Variants in ARHGAP20 observed in about 807,000 individuals in gnomAD.
ARHGAP20 encodes the protein Rho GTPase activating protein 20.
In ARHGAP20, 34 loss-of-function variants were observed where a neutral mutation model predicts 73.7. The ratio of observed to expected loss-of-function variants is 0.46; its 90% confidence interval spans 0.35 to 0.61. ARHGAP20 has a LOEUF of 0.61. ARHGAP20 is among the 20% of genes least tolerant of loss of function. The pLI, the probability that ARHGAP20 is intolerant of heterozygous loss-of-function variation, is 0.00. For missense variants in ARHGAP20, 1,314 were observed against 1,420.9 expected (o/e 0.92, Z 1.21); for synonymous variants, 523 against 518.2 (o/e 1.01, Z -0.13).
chr11:110,582,441 A>C lies in ARHGAP20; in HGVS notation c.1606-6T>G. ...AATTGTATAAGCAGGGAAACCTGTA[A>C]GAAAAAGGACAAACGAAGTATTACT... On this transcript the variant is annotated splice_region_variant and splice_polypyrimidine_tract_variant and intron_variant, in intron 13 of 14. Transcript: ENST00000683387. 1 of 1,545,380 alleles carries C rather than the reference A, an allele frequency of 6.5e-7. No homozygotes were observed. The highest frequency in any genetic ancestry group is 8.9e-7 in the Non-Finnish European group (1 of 1,118,508).
intron 1 of ARHGAP20, among the ~76,000 whole-genome samples, chr11:110,698,850 C>A (rs558635750): frequency 1.7e-4 from 26 of 151,632 alleles, no homozygotes; most frequent in Admixed American, 2.0e-4. Context: ...TTTTGTGTAA[C>A]CTTTCAAATA....
At chr11:110,704,194 G>T (rs930554179) in intron 1 of ARHGAP20, among the ~76,000 whole-genome samples, 2 of 152,196 alleles carry the variant, frequency 1.3e-5, no homozygotes, top group Non-Finnish European at 2.9e-5. Context: ...TGTTAAAGCT[G>T]AGGTTCAAAA....
chr11:110,613,177 A>G (rs1948407663), intron 6 of ARHGAP20, among the ~76,000 whole-genome samples: 1 of 152,244 alleles, frequency 6.6e-6, no homozygotes, highest in South Asian at 2.1e-4. Context: ...TCCAGTATAC[A>G]AAACAAATGA....
chr11:110,615,444 C>A, intron 5 of ARHGAP20, 109 bp downstream of exon 5: 1 of 1,015,234 alleles, frequency 9.8e-7, no homozygotes, highest in Non-Finnish European at 1.4e-6. Flanking sequence ...GTCAAATGAA[C>A]AATTTCTACT....
At chr11:110,597,504 T>A (rs753125247) in intron 9 of ARHGAP20, among the ~76,000 whole-genome samples, 37 of 152,234 alleles carry the variant, frequency 2.4e-4, no homozygotes, top group Non-Finnish European at 4.0e-4. Context: ...TATTATTTTT[T>A]TAGAGATGAG....
chr11:110,652,101 T>C (rs10891154), intron 2 of ARHGAP20, among the ~76,000 whole-genome samples: 38,356 of 152,048 alleles, frequency 0.25, 5,020 homozygotes, highest in African/African-American at 0.32. Context: ...AATTGATAAA[T>C]GTAATTCATC....
chr11:110,689,223 G>A (rs1016969768), intron 2 of ARHGAP20, among the ~76,000 whole-genome samples: 10 of 151,730 alleles, frequency 6.6e-5, no homozygotes, highest in South Asian at 2.1e-4. Flanking sequence ...GGATGGTCTC[G>A]ATCTCCTAAC....
Position 110,712,148 on chromosome 11 carries a change from C to T in ARHGAP20, c.84G>A (p.Ala28=). The T allele has an allele frequency of 1.5e-6, 2 of 1,360,136 alleles. No homozygotes were observed. Among genetic ancestry groups the T allele is most frequent in the South Asian group, 2.3e-5 (1 of 43,784 alleles). The allele number at this position is 1,360,136 out of a possible 1,614,324, so 84.3% of individuals were successfully genotyped here. Residue 28 remains alanine (A), a synonymous_variant, in exon 1 of 15, where the codon GCG becomes GCA. Coordinates refer to ENST00000683387, the MANE Select transcript of ARHGAP20 (RefSeq NM_001384657.1). ...SSSLTGVSRL[A]GGSCTKKKMK... is the part of the protein sequence containing the mutation. Reference sequence around the variant, plus strand: ...TCACCTTCTTGGTGCAGCTGCCTCCCGCGAGCCGAGACACTCCTGTCAGGG... The same window carrying T: ...TCACCTTCTTGGTGCAGCTGCCTCCTGCGAGCCGAGACACTCCTGTCAGGG...
intron 2 of ARHGAP20, among the ~76,000 whole-genome samples, chr11:110,632,335 C>T (rs981652597): frequency 6.6e-6 from 1 of 152,152 alleles, no homozygotes; most frequent in Non-Finnish European, 1.5e-5. Flanking sequence ...CACGACCTTG[C>T]TAACATTTGG....
Position 110,712,201 on chromosome 11 carries a change from G to A in ARHGAP20, c.31C>T (p.Leu11=), listed in dbSNP as rs1950680657. ...GAGGAGCGCCCCGGCTGTCCCCCTA[G>A]AGTCTCCTGCTGGGGGGACATCGCT... MEAMSPQQET[L]GGQPGRSSSL... The change falls in exon 1 of 15, where the codon CTA becomes TTA. Residue 11 remains leucine (L), a synonymous_variant. Transcript: ENST00000683387. 2 of 1,369,396 alleles carry A rather than the reference G, an allele frequency of 1.5e-6. No homozygotes were observed. Among genetic ancestry groups the A allele is most frequent in the African/African-American group, 3.0e-5 (2 of 66,798 alleles). 84.8% of individuals were successfully genotyped at this position (1,369,396 alleles called of 1,614,324 possible). A position where few individuals can be genotyped will look rare whatever the true frequency, so the allele number is the denominator to read the frequency against.
At chr11:110,707,662 A>G (rs1950573244) in intron 1 of ARHGAP20, among the ~76,000 whole-genome samples, 1 of 152,012 alleles carries the variant, frequency 6.6e-6, no homozygotes, top group African/African-American at 2.4e-5. Context: ...AAACATACCT[A>G]CCTCAGGACC....
intron 2 of ARHGAP20, among the ~76,000 whole-genome samples, chr11:110,655,930 T>G (rs541273927): frequency 3.3e-5 from 5 of 152,280 alleles, no homozygotes; most frequent in Middle Eastern, 3.4e-3. Context: ...CTAGTCACTC[T>G]CTAATTGTCC....
intron 2 of ARHGAP20, among the ~76,000 whole-genome samples, chr11:110,662,624 G>A (rs1949640119): frequency 6.6e-6 from 1 of 151,878 alleles, no homozygotes; most frequent in Admixed American, 6.6e-5. Flanking sequence ...CATTCCCAGT[G>A]TCATTGAGAG....
At chr11:110,595,931 G>A (rs1264953661) in intron 9 of ARHGAP20, among the ~76,000 whole-genome samples, 4 of 152,074 alleles carry the variant, frequency 2.6e-5, no homozygotes, top group African/African-American at 9.7e-5. Context: ...GCATGGTACT[G>A]GTACCAAAAC....
chr11:110,706,318 T>C (rs2135154320), intron 1 of ARHGAP20, among the ~76,000 whole-genome samples: 1 of 152,302 alleles, frequency 6.6e-6, no homozygotes, highest in African/African-American at 2.4e-5. Flanking sequence ...AGCCTTGATA[T>C]GGTTCGGTTC....
rs780959880 is a variant in ARHGAP20, at chr11:110,581,214, A to T, written c.1732T>A (p.Phe578Ile). The change falls in exon 15 of 15, where the codon TTT becomes ATT. Residue 578 changes from phenylalanine (F) to isoleucine (I), a missense_variant. Around this residue, in one of 3 missense-constraint regions of ARHGAP20, gnomAD observed 230 missense variants for 317.6 expected, o/e 0.72. Coordinates refer to ENST00000683387, the MANE Select transcript of ARHGAP20 (RefSeq NM_001384657.1). ...TCATAGGAGGAGTCATTCAGTTGAA[A>T]GCAAGAAATATCTGTCAAAAAAATT... ...TRENASDISC[F>I]QLNDSSYDSL... 4 of 1,604,804 alleles carry T rather than the reference A, an allele frequency of 2.5e-6. No individual in the cohort carries two copies. Among genetic ancestry groups the T allele is most frequent in the Admixed American group, 3.4e-5 (2 of 58,406 alleles).
intron 2 of ARHGAP20, among the ~76,000 whole-genome samples, chr11:110,646,942 C>A (rs955220986): frequency 2.6e-5 from 4 of 151,970 alleles, no homozygotes; most frequent in Non-Finnish European, 5.9e-5. Flanking sequence ...ATAACAGATA[C>A]TTGTTCAAGA....
chr11:110,586,267 A>G lies in ARHGAP20; in HGVS notation c.1364T>C (p.Val455Ala), dbSNP rs1275248631. The G allele has an allele frequency of 2.5e-6, 4 of 1,576,778 alleles. No homozygotes were observed. Among genetic ancestry groups the G allele is most frequent in the Non-Finnish European group, 2.6e-6 (3 of 1,160,866 alleles). ...ATCATTTCCTTGATCCATTACAGAG[A>G]CCCAGTGATCATAGAGATCTGATGA... ...IFSSDLYDHW[V>A]SVMDQGNDEE... The change falls in exon 12 of 15, where the codon GTC becomes GCC. Residue 455 changes from valine to alanine, a missense_variant. Coordinates refer to ENST00000683387, the MANE Select transcript of ARHGAP20 (RefSeq NM_001384657.1).
At position 110,609,091 on chromosome 11, in the gene ARHGAP20, C is replaced by A; in HGVS notation, c.709-41G>T. ...GTTAAATGTCACAATAAATCTTTCA[C>A]ATTTGATACTTGAATGAGGACACAT... On this transcript the variant is annotated intron_variant, in intron 7 of 14. Coordinates refer to ENST00000683387, the MANE Select transcript of ARHGAP20 (RefSeq NM_001384657.1). 5 of 1,563,858 alleles carry A rather than the reference C, an allele frequency of 3.2e-6. No homozygotes were observed. The Admixed American group carries it at 5.2e-5, about 16-fold the overall frequency.
Sources: allele counts gnomAD v4.1 joint callset (sites outside exome capture counted in the v4.1 genomes callset), GRCh38; gene constraint gnomAD v4.1.1; regional missense constraint gnomAD v4.1.1; transcripts MANE v1.5; gene names NCBI Gene and HGNC (gene_info 2026-07-23, HGNC 2026-07-21).